CBR4: variants seen among roughly 807,000 people sequenced by gnomAD.
CBR4 encodes 3-oxoacyl-[acyl-carrier-protein] reductase.
CBR4 carries 22 observed loss-of-function variants against 21.0 expected under a neutral mutation model. That is an observed-to-expected ratio of 1.05 (90% CI 0.75 to 1.50). CBR4 has a LOEUF of 1.50. Among genes scored for constraint, CBR4 ranks in the 40% most tolerant of loss-of-function variants. CBR4 has a pLI of 0.00. For missense variants in CBR4, 302 were observed against 286.3 expected (o/e 1.05, Z -0.40); for synonymous variants, 100 against 104.4 (o/e 0.96, Z 0.26).
chr4:169,008,321 GAA>G, intron 1 of CBR4, among the ~76,000 whole-genome samples: 1 of 151,304 alleles, frequency 6.6e-6, no homozygotes, highest in Non-Finnish European at 1.5e-5. Flanking sequence ...ACCACGGGGG[GAA>G]AAAAACACTT....
chr4:168,961,393 A>G (rs910377243), intron 2 of CBR4, among the ~76,000 whole-genome samples: 26 of 152,238 alleles, frequency 1.7e-4, no homozygotes, highest in Non-Finnish European at 3.7e-4. Context: ...TGAACAAAAA[A>G]GAATTTCTAG....
At chr4:168,960,031 TA>T (rs1252070862) in intron 2 of CBR4, among the ~76,000 whole-genome samples, 1 of 152,102 alleles carries the variant, frequency 6.6e-6, no homozygotes, top group Admixed American at 6.5e-5. Context: ...TCTCCATCAA[TA>T]TTACCTAATT....
In CBR4 at chr4:168,898,462, A is replaced by G. The variant is rs372031536; in HGVS notation, n.170-3697T>C. On this transcript the variant is annotated intron_variant and non_coding_transcript_variant, in intron 2 of 3. Transcript: ENST00000509108. ...CGTGACACTTTGTCAGAAGGGATTG[A>G]GTCTGCTAACTTAAACTTTCCTTGA... 2.2e-4 allele frequency: 311 copies of G among 1,385,566 alleles called. 1 individual carries two copies. The highest frequency in any genetic ancestry group is 3.0e-4 in the Non-Finnish European group (295 of 972,368). The allele number at this position is 1,385,566 out of a possible 1,614,324, so 85.8% of individuals were successfully genotyped here. A position where few individuals can be genotyped will look rare whatever the true frequency, so the allele number is the denominator to read the frequency against.
chr4:168,983,972 G>A (rs1764613245), downstream of CBR4, among the ~76,000 whole-genome samples: 1 of 152,116 alleles, frequency 6.6e-6, no homozygotes, highest in South Asian at 2.1e-4. Flanking sequence ...GTAAAAGCTG[G>A]AAGCATTCCC....
chr4:168,954,180 T>TAC (rs1275804406), intron 2 of CBR4, among the ~76,000 whole-genome samples: 2 of 151,832 alleles, frequency 1.3e-5, no homozygotes, highest in African/African-American at 4.8e-5. Flanking sequence ...CAGAGGCAAA[T>TAC]ACACACACAC....
At chr4:168,917,726 T>C (rs1020316883) in intron 2 of CBR4, among the ~76,000 whole-genome samples, 4 of 152,116 alleles carry the variant, frequency 2.6e-5, no homozygotes, top group African/African-American at 7.2e-5. Flanking sequence ...ATAACAAAAA[T>C]ATTTTATTTC....
chr4:168,996,513 AGTTTACATT>A (rs1459416483), intron 4 of CBR4, among the ~76,000 whole-genome samples: 1 of 151,464 alleles, frequency 6.6e-6, no homozygotes, highest in Admixed American at 6.6e-5. Flanking sequence ...TAAAGTCCAT[AGTTTACATT>A]AGGGTTCACT....
intron 2 of CBR4, among the ~76,000 whole-genome samples, chr4:168,981,065 T>C (rs775904827): frequency 7.2e-5 from 11 of 152,068 alleles, no homozygotes; most frequent in Non-Finnish European, 1.3e-4. Context: ...AGGAATCCAG[T>C]AGAACAATTC....
intron 2 of CBR4, among the ~76,000 whole-genome samples, chr4:168,964,967 A>T (rs1763976021): frequency 6.6e-6 from 1 of 152,024 alleles, no homozygotes; most frequent in Non-Finnish European, 1.5e-5. Context: ...CCATGTATCA[A>T]ACTAAAACTT....
At position 169,006,853 on chromosome 4, in the gene CBR4, A is replaced by C; in HGVS notation, c.302T>G (p.Val101Gly). ...CAAGAGGTTAGTATGAAGCTGAGAT[A>C]CCATATCTTCAGTTTTTGTTCTTAC... is the stretch of plus-strand genomic sequence containing the variant. ...LLVRTKTEDM[V>G]SQLHTNLLGS... Residue 101 changes from valine to glycine, a missense_variant, in exon 3 of 5, where the codon GTA (valine) becomes GGA (glycine). Val to Gly is a moderately radical substitution (Grantham distance 109). Coordinates refer to ENST00000306193, the MANE Select transcript of CBR4 (RefSeq NM_032783.5). 1.2e-6 allele frequency: 2 copies of C among 1,612,870 alleles called. No homozygotes were observed. Among genetic ancestry groups the C allele is most frequent in the Non-Finnish European group, 8.5e-7 (1 of 1,178,844 alleles).
intron 2 of CBR4, among the ~76,000 whole-genome samples, chr4:168,923,318 TAG>T (rs1436209705): frequency 1.3e-5 from 2 of 152,200 alleles, no homozygotes; most frequent in Non-Finnish European, 2.9e-5. Flanking sequence ...AAAGTTCAGG[TAG>T]AATTTTCATC....
chr4:168,912,539 G>A (rs748661290), intron 2 of CBR4, among the ~76,000 whole-genome samples: 24 of 152,172 alleles, frequency 1.6e-4, no homozygotes, highest in Non-Finnish European at 2.8e-4. Context: ...GGTGCCCTGA[G>A]TATTACTTGT....
chr4:168,928,028 G>A (rs540460793), intron 2 of CBR4: 16 of 195,476 alleles, frequency 8.2e-5, no homozygotes, highest in South Asian at 5.8e-4. Context: ...TGTTTCACAT[G>A]TACAGCTTTC....
At chr4:168,973,471 G>A (rs1253571208) in intron 2 of CBR4, among the ~76,000 whole-genome samples, 1 of 152,164 alleles carries the variant, frequency 6.6e-6, no homozygotes, top group Non-Finnish European at 1.5e-5. Context: ...GGGATTACAG[G>A]CACCTGCCAC....
At chr4:169,007,367 T>C (rs950327647) in intron 2 of CBR4, among the ~76,000 whole-genome samples, 4 of 152,194 alleles carry the variant, frequency 2.6e-5, no homozygotes, top group African/African-American at 7.2e-5. Flanking sequence ...CAAGGAAGTA[T>C]TGAGAAGACA....
chr4:168,898,271 C>G (rs1050121863), intron 2 of CBR4: 1 of 576,634 alleles, frequency 1.7e-6, no homozygotes, highest in Admixed American at 3.0e-5. Context: ...TTCCTACCCC[C>G]CTCTTTTTGG....
rs1438400415 is a variant in CBR4 at position 168,952,984 on chromosome 4, G to GTA, written n.169+49085_169+49086dup. On this transcript the variant is annotated intron_variant and non_coding_transcript_variant, in intron 2 of 3. Coordinates refer to the CBR4 transcript ENST00000509108. ...GGGCAGGGCCCTAGAACTCCCAAGA[G>GTA]TATATGCCCTTTGTCTTCAGTTACT... is the stretch of plus-strand genomic sequence containing the variant. Among the ~76,000 whole-genome samples the GTA allele has an allele frequency of 8.5e-5, 13 of 152,344 alleles. No homozygotes were observed. The East Asian group carries it at 1.9e-3, about 23-fold the overall frequency.
intron 3 of CBR4, chr4:169,005,131 CAGAG>C (rs1162529668): frequency 6.6e-6 from 1 of 151,836 alleles, no homozygotes; most frequent in Non-Finnish European, 1.5e-5. Context: ...GTGAAGTACA[CAGAG>C]AGAACAGACA....
chr4:168,945,436 GAAC>G (rs1763374057), intron 2 of CBR4, among the ~76,000 whole-genome samples: 1 of 152,192 alleles, frequency 6.6e-6, no homozygotes, highest in African/African-American at 2.4e-5. Context: ...TACTTGGTGA[GAAC>G]AACAGACCAA....
Sources: allele counts gnomAD v4.1 joint callset (sites outside exome capture counted in the v4.1 genomes callset), GRCh38; gene constraint gnomAD v4.1.1; transcripts MANE v1.5; gene names NCBI Gene and HGNC (gene_info 2026-07-23, HGNC 2026-07-21).